The following RRAGB variants were observed in gnomAD, a reference collection of about 807,000 sequenced individuals.
RRAGB encodes ras-related GTP-binding protein B.
RRAGB carries 6 observed loss-of-function variants against 29.3 expected under a neutral mutation model. That is an observed-to-expected ratio of 0.21 (90% CI 0.11 to 0.40). The LOEUF (loss-of-function observed/expected upper bound fraction) is 0.40. Among genes scored for constraint, RRAGB ranks in the 10% least tolerant of loss-of-function variants. The probability of loss-of-function intolerance (pLI) is 1.00; values close to 1 mark genes in which losing one functional copy is unlikely to be tolerated. For missense variants in RRAGB, 184 were observed against 272.9 expected (o/e 0.67, Z 2.29); for synonymous variants, 101 against 92.5 (o/e 1.09, Z -0.53).
chrX:55,747,552 G>T (rs953542078), intron 5 of RRAGB, among the ~76,000 whole-genome samples: 2 of 111,879 alleles, frequency 1.8e-5, no homozygotes, highest in South Asian at 7.4e-4. Context: ...ATTAGGATCA[G>T]CCAGCCAATC....
Position 55,718,257 on chromosome X carries a change from A to T in RRAGB, c.-71A>T. 1.2e-6 allele frequency: 1 copy of T among 862,781 alleles called. No individual in the cohort carries two copies. Among genetic ancestry groups the T allele is most frequent in the Non-Finnish European group, 1.6e-6 (1 of 617,396 alleles). 71.1% of individuals were successfully genotyped at this position (862,781 alleles called of 1,213,427 possible). A position where few individuals can be genotyped will look rare whatever the true frequency, so the allele number is the denominator to read the frequency against. ...GCAGTTGAGGGGTGAAAAAGAAAACAAACAAACAACAACAACAAACCCTGA... is the reference window on the plus strand; with the variant it reads ...GCAGTTGAGGGGTGAAAAAGAAAACTAACAAACAACAACAACAAACCCTGA... On this transcript the variant is annotated 5_prime_UTR_variant, in exon 1 of 10. Coordinates refer to ENST00000374941, the MANE Select transcript of RRAGB (RefSeq NM_006064.5).
intron 7 of RRAGB, chrX:55,754,949 C>T (rs1602084734): frequency 3.9e-6 from 1 of 253,496 alleles, no homozygotes; most frequent in Non-Finnish European, 5.5e-6. Flanking sequence ...GTGGCAGGAC[C>T]GAAACCTGCT....
chrX:55,731,400 A>G lies in RRAGB; in HGVS notation c.330A>G (p.Gln110=), dbSNP rs139109977. 2.5e-5 allele frequency: 30 copies of G among 1,208,863 alleles called. No homozygotes were observed. The African/African-American group carries it at 4.0e-4, about 16-fold the overall frequency. Reference sequence around the variant, plus strand: ...TCATGGAAAATTATTTCACTAGCCAACGGGACAACATCTTCCGAAATGTGG... The same window carrying G: ...TCATGGAAAATTATTTCACTAGCCAGCGGGACAACATCTTCCGAAATGTGG... ...DTFMENYFTS[Q]RDNIFRNVEV... The change falls in exon 5 of 10, where the codon CAA becomes CAG. Residue 110 remains glutamine, a synonymous_variant. Coordinates refer to ENST00000374941, the MANE Select transcript of RRAGB (RefSeq NM_006064.5).
At chrX:55,718,568 G>C in intron 1 of RRAGB, 149 bp downstream of exon 1, 1 of 411,513 alleles carries the variant, frequency 2.4e-6, no homozygotes, top group Non-Finnish European at 4.2e-6. Flanking sequence ...TTGGACGACA[G>C]GATAAACTGG....
chrX:55,757,884 T>C (rs913650092), intron 9 of RRAGB, among the ~76,000 whole-genome samples: 1 of 111,797 alleles, frequency 8.9e-6, no homozygotes, highest in African/African-American at 3.2e-5. Context: ...ATCACAACCA[T>C]TGAAATAAAG....
At chrX:55,732,780 G>A (rs1343554872) in intron 5 of RRAGB, among the ~76,000 whole-genome samples, 1 of 111,112 alleles carries the variant, frequency 9.0e-6, no homozygotes, top group African/African-American at 3.3e-5. Flanking sequence ...ACGCAGCTTG[G>A]GTCTTGAGTT....
intron 3 of RRAGB, among the ~76,000 whole-genome samples, chrX:55,723,722 A>C (rs1396451125): frequency 9.2e-6 from 1 of 109,015 alleles, no homozygotes; most frequent in Non-Finnish European, 1.9e-5. Flanking sequence ...ACATCCAGCT[A>C]ATTTTTTTTA....
At chrX:55,727,699 A>G (rs770497896) in intron 3 of RRAGB, among the ~76,000 whole-genome samples, 41 of 112,046 alleles carry the variant, frequency 3.7e-4, no homozygotes, top group Admixed American at 1.4e-3. Flanking sequence ...TGTAGTTTAT[A>G]AGAAGATAAA....
intron 5 of RRAGB, among the ~76,000 whole-genome samples, chrX:55,749,384 G>A (rs2034432483): frequency 1.0e-5 from 1 of 98,783 alleles, no homozygotes; most frequent in Non-Finnish European, 2.1e-5. Flanking sequence ...CCCCCGCCCG[G>A]TCAGCCGCCC....
Position 55,753,487 on chromosome X carries a change from A to G in RRAGB, c.708A>G (p.Val236=), listed in dbSNP as rs747239774. 8.3e-7 allele frequency: 1 copy of G among 1,199,762 alleles called. No homozygotes were observed. Among genetic ancestry groups the G allele is most frequent in the South Asian group, 1.8e-5 (1 of 55,483 alleles). The change falls in exon 7 of 10, where the codon GTA becomes GTG. Residue 236 remains valine (V), a synonymous_variant. Coordinates refer to ENST00000374941, the MANE Select transcript of RRAGB (RefSeq NM_006064.5). ...NFAEIIEADE[V]LLFERATFLV... The stretch of plus-strand genomic sequence containing the variant: ...CTGAAATTATCGAAGCTGATGAAGT[A>G]CTTCTTTTTGAGAGAGCTACTTTTC...
intron 5 of RRAGB, among the ~76,000 whole-genome samples, chrX:55,748,399 C>T (rs1479666535): frequency 3.7e-5 from 4 of 109,122 alleles, no homozygotes; most frequent in Non-Finnish European, 7.7e-5. Flanking sequence ...CTCTGCCCGG[C>T]CGCCATCCCA....
chrX:55,755,373 T>C, intron 7 of RRAGB: 2 of 747,895 alleles, frequency 2.7e-6, no homozygotes, highest in African/African-American at 2.3e-5. Context: ...TCCTCAGGGA[T>C]TGGAATCAAA....
chrX:55,718,499 C>A, intron 1 of RRAGB, 80 bp downstream of exon 1: 1 of 541,718 alleles, frequency 1.8e-6, no homozygotes, highest in Non-Finnish European at 2.9e-6. Flanking sequence ...ACACTTCTCC[C>A]CACCCCGCAC....
At chrX:55,740,018 G>C (rs1322588812) in intron 5 of RRAGB, among the ~76,000 whole-genome samples, 1 of 112,051 alleles carries the variant, frequency 8.9e-6, no homozygotes, top group Non-Finnish European at 1.9e-5. Context: ...AGCTAAGACT[G>C]GTGCAAAAAT....
chrX:55,750,048 T>TAA (rs774847577), intron 5 of RRAGB, among the ~76,000 whole-genome samples: 16 of 16,764 alleles, frequency 9.5e-4, no homozygotes, highest in East Asian at 1.9e-3. Flanking sequence ...AATGATCAAT[T>TAA]AAAAAAAAAA....
chrX:55,753,467 A>G lies in RRAGB; in HGVS notation c.688A>G (p.Ile230Val), dbSNP rs2034576022. Residue 230 changes from isoleucine to valine, a missense_variant, in exon 7 of 10, where the codon ATT becomes GTT. Ile to Val is a conservative substitution (Grantham distance 29, BLOSUM62 3). Coordinates refer to ENST00000374941, the MANE Select transcript of RRAGB (RefSeq NM_006064.5). The part of the protein sequence containing the change: ...LEMNLRNFAE[I>V]IEADEVLLFE... ...AATGAACCTAAGGAATTTTGCTGAA[A>G]TTATCGAAGCTGATGAAGTACTTCT... 2.5e-6 allele frequency: 3 copies of G among 1,202,341 alleles called. No individual in the cohort carries two copies. The highest frequency in any genetic ancestry group is 3.5e-5 in the African/African-American group (2 of 57,354).
chrX:55,752,798 A>C (rs898079918), intron 6 of RRAGB, among the ~76,000 whole-genome samples: 5 of 112,259 alleles, frequency 4.5e-5, no homozygotes, highest in African/African-American at 6.5e-5. Flanking sequence ...AGTTTTAGGC[A>C]AAAACACAGT....
At chrX:55,753,548 A>G (rs2034578843) in intron 7 of RRAGB, 34 bp downstream of exon 7, 5 of 1,143,985 alleles carry the variant, frequency 4.4e-6, no homozygotes, top group Non-Finnish European at 5.9e-6. Flanking sequence ...TGTACTTCAC[A>G]CTGTACGTTC....
intron 3 of RRAGB, among the ~76,000 whole-genome samples, chrX:55,723,418 A>G (rs2033360387): frequency 9.2e-6 from 1 of 108,449 alleles, no homozygotes; most frequent in Admixed American, 9.8e-5. Context: ...CTGGGATTAC[A>G]GGTGTGAGCC....
Sources: gnomAD v4.1 joint callset for allele counts (sites outside exome capture counted in the v4.1 genomes callset) on GRCh38, gnomAD v4.1.1 for gene constraint, MANE v1.5 for transcripts, NCBI Gene and HGNC (gene_info 2026-07-23, HGNC 2026-07-21) for gene names.